Variants in KMT2C observed in about 807,000 individuals in gnomAD.
KMT2C encodes the protein lysine methyltransferase 2C.
A neutral mutation model predicts 507.9 loss-of-function variants in KMT2C; 88 were observed. That is an observed-to-expected ratio of 0.17 (90% confidence interval 0.15 to 0.21). The LOEUF is 0.21. Among genes scored for constraint, KMT2C ranks in the 10% least tolerant of loss-of-function variants. The pLI, the probability that KMT2C is intolerant of heterozygous loss-of-function variation, is 1.00. For missense variants in KMT2C, 4,954 were observed against 5,957.8 expected, an observed-to-expected ratio of 0.83 and a Z score of 5.55; for synonymous variants, 2,049 against 2,080.8, an observed-to-expected ratio of 0.98 and a Z score of 0.42.
At chr7:152,279,311 G>C (rs2096154858) in intron 6 of KMT2C, among the ~76,000 whole-genome samples, 1 of 152,038 alleles carries the variant, frequency 6.6e-6, no homozygotes, top group Non-Finnish European at 1.5e-5. Context: ...TGGCAAATGT[G>C]GTCTTCAGAG....
intron 7 of KMT2C, among the ~76,000 whole-genome samples, chr7:152,271,996 T>TGG (rs528356807): frequency 2.6e-5 from 4 of 151,712 alleles, no homozygotes; most frequent in African/African-American, 9.7e-5. Context: ...TATATATTTT[T>TGG]GGGGGGGGTC....
chr7:152,407,785 A>C (rs1589797642), intron 1 of KMT2C, among the ~76,000 whole-genome samples: 3 of 152,424 alleles, frequency 2.0e-5, no homozygotes, highest in Admixed American at 2.0e-4. Flanking sequence ...CTAGAAGTTG[A>C]AAATACGTGC....
At chr7:152,320,097 C>T (rs775346389) in intron 3 of KMT2C, among the ~76,000 whole-genome samples, 3 of 152,112 alleles carry the variant, frequency 2.0e-5, no homozygotes, top group South Asian at 2.1e-4. Flanking sequence ...TCTCCGCACA[C>T]GGGGAGAAAA....
intron 28 of KMT2C, chr7:152,195,704 C>T (rs762800727): frequency 2.3e-4 from 66 of 282,036 alleles, no homozygotes; most frequent in Admixed American, 5.2e-4. Flanking sequence ...ATTAGAAAGA[C>T]GACAGAAATT....
Position 152,180,613 on chromosome 7 carries a change from A to G in KMT2C, c.7149+98T>C, listed in dbSNP as rs906940534. 7 of 942,534 alleles carry G rather than the reference A, an allele frequency of 7.4e-6. No individual in the cohort carries two copies. The African/African-American group carries it at 8.3e-5, about 11-fold the overall frequency. The allele number at this position is 942,534 out of a possible 1,614,324, so 58.4% of individuals were successfully genotyped here. ...TGACAAACTCTACAGAATAAAAAAAATAAAACATTAACTCCTGTGTAGAAA... is the reference window on the plus strand; with the variant it reads ...TGACAAACTCTACAGAATAAAAAAAGTAAAACATTAACTCCTGTGTAGAAA... On this transcript the variant is annotated intron_variant, in intron 36 of 58. Transcript: ENST00000262189.
At chr7:152,197,445 T>C (rs2093997501) in intron 27 of KMT2C, among the ~76,000 whole-genome samples, 1 of 152,198 alleles carries the variant, frequency 6.6e-6, no homozygotes, top group Non-Finnish European at 1.5e-5. Context: ...TGTCAAACAG[T>C]CTTGGTCCCA....
At chr7:152,261,072 C>T (rs1174681721) in intron 9 of KMT2C, among the ~76,000 whole-genome samples, 1 of 152,310 alleles carries the variant, frequency 6.6e-6, no homozygotes, top group Non-Finnish European at 1.5e-5. Context: ...AACCATCAAT[C>T]CAAACAGTTA....
At chr7:152,149,222 C>G in intron 51 of KMT2C, 70 bp from the exon 52 acceptor site, 1 of 1,409,022 alleles carries the variant, frequency 7.1e-7, no homozygotes, top group Non-Finnish European at 9.3e-7. Flanking sequence ...CTTGTTAAGA[C>G]AAGAAGCTGA....
chr7:152,394,715 G>A (rs954599048), intron 1 of KMT2C, among the ~76,000 whole-genome samples: 4 of 152,154 alleles, frequency 2.6e-5, no homozygotes, highest in Admixed American at 2.6e-4. Flanking sequence ...AGCCCGTGAA[G>A]GAAGGCAATG....
intron 6 of KMT2C, among the ~76,000 whole-genome samples, chr7:152,296,432 C>CAAA (rs551986657): frequency 2.0e-4 from 20 of 98,746 alleles, no homozygotes; most frequent in African/African-American, 6.9e-4. Flanking sequence ...AACTCCATCT[C>CAAA]AAAAAAAAAA....
intron 1 of KMT2C, among the ~76,000 whole-genome samples, chr7:152,379,392 G>A (rs566191169): frequency 2.8e-4 from 43 of 152,136 alleles, no homozygotes; most frequent in South Asian, 4.2e-4. Flanking sequence ...ACAAAAATAA[G>A]CCAGGCGTGG....
intron 1 of KMT2C, among the ~76,000 whole-genome samples, chr7:152,370,003 C>CT (rs2097281275): frequency 6.6e-6 from 1 of 152,094 alleles, no homozygotes; most frequent in Admixed American, 6.5e-5. Flanking sequence ...ACCATCCTGG[C>CT]TAACACGGTG....
chr7:152,289,664 T>A (rs2096373547), intron 6 of KMT2C, among the ~76,000 whole-genome samples: 1 of 152,192 alleles, frequency 6.6e-6, no homozygotes, highest in African/African-American at 2.4e-5. Context: ...ATAAGAAGAT[T>A]TGAAAAACTT....
At position 152,306,549 on chromosome 7, in the gene KMT2C, C is replaced by T. The variant is rs147784327; in HGVS notation, c.849+3417G>A. On this transcript the variant is annotated intron_variant, in intron 6 of 58. Coordinates refer to ENST00000262189, the MANE Select transcript of KMT2C (RefSeq NM_170606.3). Reference sequence around the variant, plus strand: ...GGCATTTAGTTTGTTTCCAATATTTCGCAAATTAAATAATACTATAATTAA... The same window carrying T: ...GGCATTTAGTTTGTTTCCAATATTTTGCAAATTAAATAATACTATAATTAA... 4.6e-3 allele frequency among the ~76,000 whole-genome samples: 704 copies of T among 152,110 alleles called. 6 individuals carry two copies. Among genetic ancestry groups the T allele is most frequent in the Middle Eastern group, 0.02 (6 of 294 alleles).
At chr7:152,274,043 G>A (rs1013421268) in intron 6 of KMT2C, among the ~76,000 whole-genome samples, 176 bp from the exon 7 acceptor site, 3 of 152,048 alleles carry the variant, frequency 2.0e-5, no homozygotes, top group Admixed American at 1.3e-4. Context: ...TCAATTTAGC[G>A]CTTCGTGTGC....
At chr7:152,301,871 A>T (rs952008924) in intron 6 of KMT2C, among the ~76,000 whole-genome samples, 1 of 152,236 alleles carries the variant, frequency 6.6e-6, no homozygotes, top group Non-Finnish European at 1.5e-5. Context: ...AACTTAAAGG[A>T]TCTTACATAA....
At chr7:152,277,923 T>C (rs116023170) in intron 6 of KMT2C, among the ~76,000 whole-genome samples, 2,808 of 152,300 alleles carry the variant, frequency 0.018, 87 homozygotes, top group African/African-American at 0.064. Flanking sequence ...CAAAATATAC[T>C]ACATAACACA....
chr7:152,198,317 A>T (rs192527296), intron 27 of KMT2C, among the ~76,000 whole-genome samples: 2 of 152,328 alleles, frequency 1.3e-5, no homozygotes, highest in East Asian at 3.9e-4. Context: ...CAAAATCAAA[A>T]ATAGTTGTCA....
intron 39 of KMT2C, among the ~76,000 whole-genome samples, chr7:152,172,628 G>C (rs896279544): frequency 1.3e-5 from 2 of 152,202 alleles, no homozygotes; most frequent in Non-Finnish European, 2.9e-5. Context: ...CCTTGGAGGT[G>C]AAGGCTGCAG....
Sources: allele counts gnomAD v4.1 joint callset (sites outside exome capture counted in the v4.1 genomes callset), GRCh38; gene constraint gnomAD v4.1.1; transcripts MANE v1.5; gene names NCBI Gene and HGNC (gene_info 2026-07-23, HGNC 2026-07-21).